NR5A2: variants seen among roughly 807,000 people sequenced by gnomAD.
The protein encoded by NR5A2 is nuclear receptor subfamily 5 group A member 2.
NR5A2 carries 26 observed loss-of-function variants against 62.7 expected under a neutral mutation model. The observed-to-expected ratio is 0.41, with a 90% CI of 0.30 to 0.58. The LOEUF is 0.58. NR5A2 is among the 20% of genes least tolerant of loss of function. The probability of loss-of-function intolerance (pLI) is 0.22; values close to 1 mark genes in which losing one functional copy is unlikely to be tolerated. For missense variants in NR5A2, 541 were observed against 669.1 expected (o/e 0.81, Z 2.11); for synonymous variants, 246 against 241.7 (o/e 1.02, Z -0.16).
At chr1:200,137,142 A>C (rs1571539326) in intron 7 of NR5A2, among the ~76,000 whole-genome samples, 1 of 147,704 alleles carries the variant, frequency 6.8e-6, no homozygotes, top group Non-Finnish European at 1.5e-5. Flanking sequence ...GCCAGATTTT[A>C]TTTTATTTAT....
intron 7 of NR5A2, among the ~76,000 whole-genome samples, chr1:200,164,982 T>G (rs1157108210): frequency 2.0e-5 from 3 of 150,410 alleles, no homozygotes; most frequent in African/African-American, 7.4e-5. Context: ...ATTCAAGTGA[T>G]TCTCCTGCCT....
chr1:200,064,803 T>C (rs923871395), intron 5 of NR5A2, among the ~76,000 whole-genome samples: 3 of 152,222 alleles, frequency 2.0e-5, no homozygotes, highest in Non-Finnish European at 4.4e-5. Context: ...AGTTGGTATC[T>C]TTTATGTCCT....
intron 5 of NR5A2, among the ~76,000 whole-genome samples, chr1:200,094,771 A>G (rs1215086861): frequency 6.6e-6 from 1 of 151,198 alleles, no homozygotes; most frequent in African/African-American, 2.4e-5. Context: ...TGACCTTGTG[A>G]TCTGCCCGCC....
chr1:200,133,526 TACACACAC>T (rs1215224324), intron 7 of NR5A2, among the ~76,000 whole-genome samples: 12 of 87,372 alleles, frequency 1.4e-4, no homozygotes, highest in East Asian at 5.9e-4. Flanking sequence ...TATATATATA[TACACACAC>T]ATATATATAT....
chr1:200,075,393 AC>A (rs1663978382), intron 5 of NR5A2, among the ~76,000 whole-genome samples: 1 of 152,272 alleles, frequency 6.6e-6, no homozygotes, highest in Non-Finnish European at 1.5e-5. Context: ...ATTCAGAATT[AC>A]CATTGTGAAT....
chr1:200,102,417 G>A (rs1310815840), intron 5 of NR5A2, among the ~76,000 whole-genome samples: 1 of 152,162 alleles, frequency 6.6e-6, no homozygotes, highest in Non-Finnish European at 1.5e-5. Flanking sequence ...TCTGGATTGA[G>A]CTGTTCAAGA....
At chr1:200,112,031 A>G (rs2816975) in intron 6 of NR5A2, among the ~76,000 whole-genome samples, 64,687 of 151,296 alleles carry the variant, frequency 0.43, 14,263 homozygotes, top group East Asian at 0.68. Context: ...AATAATCCTA[A>G]GAAACAAGCC....
chr1:200,104,126 G>A (rs149788778), intron 5 of NR5A2, among the ~76,000 whole-genome samples: 1 of 152,262 alleles, frequency 6.6e-6, no homozygotes, highest in African/African-American at 2.4e-5. Context: ...TTGATAGATA[G>A]GACTTTGTAT....
chr1:200,142,448 G>C (rs1433470899), intron 7 of NR5A2, among the ~76,000 whole-genome samples: 1 of 151,698 alleles, frequency 6.6e-6, no homozygotes, highest in African/African-American at 2.4e-5. Flanking sequence ...TACCCGCCTC[G>C]GCCTCCCAAA....
At position 200,094,100 on chromosome 1, in the gene NR5A2, C is replaced by T. The variant is rs995657091; in HGVS notation, c.1111-17102C>T. ...AGGAGAATCACTTGAACCCGGGAGG[C>T]GGAGGTTGCAGTGAACCAAGATCAC... is the stretch of plus-strand genomic sequence containing the variant. On this transcript the variant is annotated intron_variant, in intron 5 of 7. Coordinates refer to ENST00000367362, the MANE Select transcript of NR5A2 (RefSeq NM_205860.3). Among the ~76,000 whole-genome samples, 14 of 151,920 alleles carry T rather than the reference C, an allele frequency of 9.2e-5. No individual in the cohort carries two copies. In the East Asian group the frequency reaches 2.5e-3, roughly 27 times the overall value.
intron 5 of NR5A2, chr1:200,054,158 A>G (rs183191100): frequency 6.6e-6 from 1 of 152,244 alleles, no homozygotes; most frequent in Admixed American, 6.5e-5. Context: ...GAAACTGTCC[A>G]TAAAAAAGAG....
At chr1:200,074,450 A>T (rs187300066) in intron 5 of NR5A2, among the ~76,000 whole-genome samples, 128 of 151,764 alleles carry the variant, frequency 8.4e-4, no homozygotes, top group Non-Finnish European at 1.5e-3. Flanking sequence ...AAGAAAGAAG[A>T]AAAAGGGCCG....
At chr1:200,123,018 C>G (rs543930142) in intron 7 of NR5A2, among the ~76,000 whole-genome samples, 46 of 152,126 alleles carry the variant, frequency 3.0e-4, no homozygotes, top group African/African-American at 1.1e-3. Context: ...CTGGTTTTAC[C>G]TGTGATTAAG....
intron 1 of NR5A2, among the ~76,000 whole-genome samples, chr1:200,034,407 T>C (rs1464102667): frequency 2.6e-5 from 4 of 152,158 alleles, no homozygotes; most frequent in Non-Finnish European, 4.4e-5. Context: ...TGTTACATTC[T>C]TCTAAGGGCA....
At chr1:200,101,538 G>A (rs1159039317) in intron 5 of NR5A2, among the ~76,000 whole-genome samples, 1 of 152,108 alleles carries the variant, frequency 6.6e-6, no homozygotes, top group Non-Finnish European at 1.5e-5. Flanking sequence ...AGGGAAGTAT[G>A]GGAAAGCTAA....
At chr1:200,117,646 A>T (rs1666286304) in intron 6 of NR5A2, among the ~76,000 whole-genome samples, 1 of 152,216 alleles carries the variant, frequency 6.6e-6, no homozygotes, top group Non-Finnish European at 1.5e-5. Context: ...TGGAAAATTA[A>T]TACCAACATA....
At chr1:200,028,898 T>C (rs1207257531) in intron 1 of NR5A2, 1 of 247,280 alleles carries the variant, frequency 4.0e-6, no homozygotes. Flanking sequence ...GAGTCACAGA[T>C]TGCTTTTTTT....
At chr1:200,154,611 G>A (rs932016235) in intron 7 of NR5A2, among the ~76,000 whole-genome samples, 1 of 152,314 alleles carries the variant, frequency 6.6e-6, no homozygotes, top group Non-Finnish European at 1.5e-5. Flanking sequence ...CCCAGCTACT[G>A]CAGAGGCTGA....
chr1:200,045,877 A>G (rs958277793), intron 4 of NR5A2, among the ~76,000 whole-genome samples: 8 of 152,190 alleles, frequency 5.3e-5, no homozygotes, highest in African/African-American at 1.9e-4. Flanking sequence ...AGATCAGGTT[A>G]TGAAAATAAG....
Sources: gnomAD v4.1 joint callset for allele counts (sites outside exome capture counted in the v4.1 genomes callset) on GRCh38, gnomAD v4.1.1 for gene constraint, MANE v1.5 for transcripts, NCBI Gene and HGNC (gene_info 2026-07-23, HGNC 2026-07-21) for gene names.